The following DCLK2 variants were observed in gnomAD, a reference collection of about 807,000 sequenced individuals.
DCLK2 encodes doublecortin like kinase 2.
A neutral mutation model predicts 78.4 loss-of-function variants in DCLK2; 31 were observed. The ratio of observed to expected loss-of-function variants is 0.40; its 90% CI spans 0.30 to 0.53. The LOEUF is 0.53. DCLK2 is among the 20% of genes least tolerant of loss of function. DCLK2 has a pLI of 0.61. For missense variants in DCLK2, 872 were observed against 973.7 expected, an observed-to-expected ratio of 0.90 and a Z score of 1.39; for synonymous variants, 407 against 374.9, an observed-to-expected ratio of 1.09 and a Z score of -0.99.
intron 2 of DCLK2, among the ~76,000 whole-genome samples, chr4:150,173,504 C>G (rs905179281): frequency 6.6e-6 from 1 of 152,080 alleles, no homozygotes; most frequent in Admixed American, 6.6e-5. Flanking sequence ...TGTGATGAAG[C>G]CATGGCAGCT....
chr4:150,172,375 G>A (rs930762166), intron 2 of DCLK2, among the ~76,000 whole-genome samples: 3 of 152,010 alleles, frequency 2.0e-5, no homozygotes, highest in Admixed American at 2.0e-4. Flanking sequence ...AGGCCGAGGC[G>A]GGTGGATTAC....
intron 2 of DCLK2, among the ~76,000 whole-genome samples, chr4:150,151,308 C>CT (rs1734877837): frequency 6.6e-6 from 1 of 152,112 alleles, no homozygotes; most frequent in Non-Finnish European, 1.5e-5. Context: ...AATGATGGGT[C>CT]TGGGGAAGCA....
chr4:150,215,652 G>C (rs1159812220), intron 5 of DCLK2, among the ~76,000 whole-genome samples: 1 of 152,188 alleles, frequency 6.6e-6, no homozygotes, highest in Non-Finnish European at 1.5e-5. Flanking sequence ...CTATCCAGAA[G>C]CGTTCCTAAC....
intron 2 of DCLK2, among the ~76,000 whole-genome samples, chr4:150,123,206 A>T (rs553167888): frequency 3.9e-5 from 6 of 152,262 alleles, no homozygotes; most frequent in African/African-American, 1.2e-4. Context: ...TTGGTTTTTG[A>T]CATGTTTTCT....
At chr4:150,146,166 A>G (rs183434444) in intron 2 of DCLK2, among the ~76,000 whole-genome samples, 5 of 152,346 alleles carry the variant, frequency 3.3e-5, no homozygotes, top group Non-Finnish European at 5.9e-5. Flanking sequence ...GTAATTTACT[A>G]TGACAAGATC....
intron 3 of DCLK2, among the ~76,000 whole-genome samples, chr4:150,194,634 C>T (rs1738731023): frequency 6.6e-6 from 1 of 152,116 alleles, no homozygotes; most frequent in Non-Finnish European, 1.5e-5. Flanking sequence ...GTAAAGTCAG[C>T]TTCCTCTTTA....
chr4:150,079,061 T>G lies in DCLK2; in HGVS notation c.34T>G (p.Phe12Val). The G allele has an allele frequency of 1.3e-6, 2 of 1,554,696 alleles. No homozygotes were observed. The highest frequency in any genetic ancestry group is 1.7e-6 in the Non-Finnish European group (2 of 1,155,106). Residue 12 changes from phenylalanine (F) to valine (V), a missense_variant, in exon 1 of 16, where the codon TTT (phenylalanine) becomes GTT (valine). Physicochemically the swap from Phe to Val is conservative, Grantham distance 50 (BLOSUM62 -1). This residue lies in a region of DCLK2 where 567 missense variants were observed against 593.4 expected (regional missense o/e 0.96). Transcript: ENST00000296550. ...CACCAGGAGTATCGAGCTGGAGCAC[T>G]TTGAGGAACGGGACAAAAGGCCGCG... ...ASTRSIELEH[F>V]EERDKRPRPG... is the part of the protein sequence containing the mutation.
chr4:150,117,800 G>A (rs914676015), intron 2 of DCLK2, among the ~76,000 whole-genome samples: 8 of 152,170 alleles, frequency 5.3e-5, no homozygotes, highest in Non-Finnish European at 1.0e-4. Context: ...CAGAGGGTCT[G>A]TGGTTTCTTT....
chr4:150,134,953 A>T (rs1391079658), intron 2 of DCLK2, among the ~76,000 whole-genome samples: 1 of 152,004 alleles, frequency 6.6e-6, no homozygotes, highest in African/African-American at 2.4e-5. Context: ...CTTTTAGATG[A>T]GTATATGTTT....
Position 150,183,049 on chromosome 4 carries a change from A to T in DCLK2, c.757-10089A>T, listed in dbSNP as rs1444570498. Among the ~76,000 whole-genome samples the T allele has an allele frequency of 3.3e-5, 5 of 152,074 alleles. No homozygotes were observed. The East Asian group carries it at 7.7e-4, about 24-fold the overall frequency. On this transcript the variant is annotated intron_variant, in intron 2 of 15. Coordinates refer to ENST00000296550, the MANE Select transcript of DCLK2 (RefSeq NM_001040260.4). ...CATAAAAAATGCTGATCTATTCTAT[A>T]CTCCTGATATCTATCTTCCCATTAC... is the stretch of plus-strand genomic sequence containing the variant.
intron 1 of DCLK2, among the ~76,000 whole-genome samples, chr4:150,083,060 T>C (rs1193709606): frequency 1.3e-5 from 2 of 152,182 alleles, no homozygotes; most frequent in Non-Finnish European, 2.9e-5. Context: ...GTTAGGTCTC[T>C]TCTGGTTTAA....
intron 1 of DCLK2, among the ~76,000 whole-genome samples, chr4:150,091,873 A>G (rs536128552): frequency 7.9e-5 from 12 of 151,918 alleles, no homozygotes; most frequent in African/African-American, 2.9e-4. Context: ...GTATGGTAGT[A>G]TTAACTAATA....
Position 150,102,548 on chromosome 4 carries a change from C to G in DCLK2, c.492C>G (p.Asn164Lys). 1.2e-6 allele frequency: 2 copies of G among 1,614,162 alleles called. No homozygotes were observed. Among genetic ancestry groups the G allele is most frequent in the Non-Finnish European group, 1.7e-6 (2 of 1,180,030 alleles). Reference protein sequence around the residue: ...KVDYTKNINPNWSVNIKGGTS... With the variant: ...KVDYTKNINPKWSVNIKGGTS... ...ATTACACCAAAAATATTAATCCAAA[C>G]TGGTCTGTGAACATCAAGGGTGGGA... Residue 164 changes from asparagine to lysine, a missense_variant, in exon 2 of 16, where the codon AAC becomes AAG. This residue lies in a region of DCLK2 where 567 missense variants were observed against 593.4 expected (regional missense o/e 0.96). Transcript: ENST00000296550.
intron 1 of DCLK2, among the ~76,000 whole-genome samples, chr4:150,098,197 C>T (rs1216793204): frequency 6.6e-6 from 1 of 152,044 alleles, no homozygotes; most frequent in Non-Finnish European, 1.5e-5. Flanking sequence ...ATAGGGAGGG[C>T]AGACTAGATT....
chr4:150,210,345 A>G (rs1470010936), intron 5 of DCLK2, among the ~76,000 whole-genome samples: 1 of 152,200 alleles, frequency 6.6e-6, no homozygotes, highest in Non-Finnish European at 1.5e-5. Context: ...ACTAACATGC[A>G]GTAGCGTACA....
intron 4 of DCLK2, among the ~76,000 whole-genome samples, chr4:150,199,347 C>G (rs1319940151): frequency 2.0e-5 from 3 of 152,116 alleles, no homozygotes; most frequent in Non-Finnish European, 2.9e-5. Context: ...GCAAGGGGTC[C>G]ATCTTCTAGT....
intron 7 of DCLK2, among the ~76,000 whole-genome samples, chr4:150,222,807 G>A (rs1454481165): frequency 6.6e-6 from 1 of 151,904 alleles, no homozygotes; most frequent in African/African-American, 2.4e-5. Flanking sequence ...CAGAGGTTGC[G>A]GTGAGCCGAG....
At chr4:150,198,963 T>C (rs1739268957) in intron 4 of DCLK2, 1 of 1,017,774 alleles carries the variant, frequency 9.8e-7, no homozygotes, top group African/African-American at 1.7e-5. Context: ...TGAACGCACA[T>C]TTAGAGCTGC....
At chr4:150,151,475 A>G (rs1290848824) in intron 2 of DCLK2, among the ~76,000 whole-genome samples, 1 of 152,238 alleles carries the variant, frequency 6.6e-6, no homozygotes, top group Non-Finnish European at 1.5e-5. Flanking sequence ...TTCTCTGAAG[A>G]TAAGGACTAT....
Sources: allele counts gnomAD v4.1 joint callset (sites outside exome capture counted in the v4.1 genomes callset), GRCh38; gene constraint gnomAD v4.1.1; regional missense constraint gnomAD v4.1.1; transcripts MANE v1.5; gene names NCBI Gene and HGNC (gene_info 2026-07-23, HGNC 2026-07-21).